Variants in CCL7 observed in about 807,000 individuals in gnomAD.
CCL7 encodes the protein C-C motif chemokine 7.
CCL7 carries 8 observed loss-of-function variants against 7.1 expected under a neutral mutation model. The observed-to-expected ratio is 1.13, with a 90% confidence interval of 0.66 to 2.04. The LOEUF (loss-of-function observed/expected upper bound fraction) is 2.04. Ranked by LOEUF, CCL7 falls within the 30% of genes most tolerant of loss-of-function variation. CCL7 has a pLI of 0.00. For missense variants in CCL7, 134 were observed against 113.6 expected (o/e 1.18, Z -0.82); for synonymous variants, 46 against 41.2 (o/e 1.12, Z -0.45).
rs1047308330 is a variant in CCL7, at chr17:34,271,937, T to C, written c.*135T>C. 13 of 605,652 alleles carry C rather than the reference T, an allele frequency of 2.1e-5. No homozygotes were observed. In the African/African-American group the frequency reaches 2.5e-4, roughly 12 times the overall value. The allele number at this position is 605,652 out of a possible 1,614,324, so 37.5% of individuals were successfully genotyped here. ...TATGAGCTTTATGTAATAATGTGAA[T>C]CATGGTTTTTCTTAGTAGATTTTAA... On this transcript the variant is annotated 3_prime_UTR_variant, in exon 3 of 3. Transcript: ENST00000378569.
chr17:34,271,664 G>T (rs772801966), intron 2 of CCL7, 33 bp from the exon 3 acceptor site: 1 of 1,419,380 alleles, frequency 7.0e-7, no homozygotes, highest in Non-Finnish European at 9.9e-7. Context: ...CCCTCAAGGT[G>T]TTCCATCTGA....
At chr17:34,271,378 T>A in intron 2 of CCL7, 115 bp downstream of exon 2, 2 of 814,498 alleles carry the variant, frequency 2.5e-6, no homozygotes, top group Non-Finnish European at 4.0e-6. Flanking sequence ...GCATACAGCA[T>A]CTCTAACCTT....
At position 34,272,008 on chromosome 17, in the gene CCL7, T is replaced by A; in HGVS notation, c.*206T>A. ...TAATCTTCCATGGATTTTGGTGGGT[T>A]TTGAACATAAAGCCTTGGATGTATA... On this transcript the variant is annotated 3_prime_UTR_variant, in exon 3 of 3. Coordinates refer to ENST00000378569, the MANE Select transcript of CCL7 (RefSeq NM_006273.4). The A allele has an allele frequency of 2.1e-6, 1 of 473,762 alleles. No individual in the cohort carries two copies. The highest frequency in any genetic ancestry group is 3.7e-6 in the Non-Finnish European group (1 of 271,202). The allele number at this position is 473,762 out of a possible 1,614,324, so 29.3% of individuals were successfully genotyped here.
At chr17:34,271,549 C>A in intron 2 of CCL7, 148 bp from the exon 3 acceptor site, 1 of 598,002 alleles carries the variant, frequency 1.7e-6, no homozygotes. Context: ...CTCTGAGTCC[C>A]CTTCCTTTGT....
At position 34,271,828 on chromosome 17, in the gene CCL7, G is replaced by A; in HGVS notation, c.*26G>A. ...ACATTCATGACTGAACTGAAAACAA[G>A]CCATGACTTGAGAAACAAATAATTT... On this transcript the variant is annotated 3_prime_UTR_variant, in exon 3 of 3. Coordinates refer to ENST00000378569, the MANE Select transcript of CCL7 (RefSeq NM_006273.4). 1.4e-6 allele frequency: 2 copies of A among 1,434,632 alleles called. No individual in the cohort carries two copies. Among genetic ancestry groups the A allele is most frequent in the Non-Finnish European group, 9.8e-7 (1 of 1,022,554 alleles). 88.9% of individuals were successfully genotyped at this position (1,434,632 alleles called of 1,614,324 possible).
In CCL7 at chr17:34,271,268, G is replaced by A. The variant is rs760295428; in HGVS notation, c.194+5G>A. 1 of 1,612,256 alleles carries A rather than the reference G, an allele frequency of 6.2e-7. No individual in the cohort carries two copies. The stretch of plus-strand genomic sequence containing the variant: ...CTGTCCCCGGGAAGCTGTAATGTAT[G>A]TGGACGATGACCACCCACCCCTCAC... On this transcript the variant is annotated splice_donor_5th_base_variant and intron_variant, in intron 2 of 2. Coordinates refer to ENST00000378569, the MANE Select transcript of CCL7 (RefSeq NM_006273.4).
chr17:34,271,653 AC>A, intron 2 of CCL7, 43 bp from the exon 3 acceptor site: 2 of 1,302,934 alleles, frequency 1.5e-6, no homozygotes, highest in Non-Finnish European at 2.2e-6. Flanking sequence ...CCCAGGCTGA[AC>A]CCTCAAGGTG....
chr17:34,270,702 T>C (rs1908100958), intron 1 of CCL7, among the ~76,000 whole-genome samples: 1 of 152,110 alleles, frequency 6.6e-6, no homozygotes, highest in African/African-American at 2.4e-5. Context: ...GTGCGGGCTG[T>C]TTCCAGATAC....
rs1251518374 is a variant in CCL7 at position 34,271,722 on chromosome 17, A to T, written c.220A>T (p.Ile74Phe). The T allele has an allele frequency of 1.9e-6, 3 of 1,611,214 alleles. No homozygotes were observed. The highest frequency in any genetic ancestry group is 2.7e-5 in the African/African-American group (2 of 74,848). ...CTTCAAGACCAAACTGGACAAGGAG[A>T]TCTGTGCTGACCCCACACAGAAGTG... ...VIFKTKLDKE[I>F]CADPTQKWVQ... The change falls in exon 3 of 3, where the codon ATC becomes TTC. Residue 74 changes from isoleucine to phenylalanine, a missense_variant. Ile to Phe is a conservative substitution (Grantham distance 21, BLOSUM62 0). Coordinates refer to ENST00000378569, the MANE Select transcript of CCL7 (RefSeq NM_006273.4).
rs1908199737 is a variant in CCL7 at position 34,272,149 on chromosome 17, G to C, written c.*347G>C. 1 of 187,160 alleles carries C rather than the reference G, an allele frequency of 5.3e-6. No individual in the cohort carries two copies. The highest frequency in any genetic ancestry group is 1.1e-5 in the Non-Finnish European group (1 of 91,700). 11.6% of individuals were successfully genotyped at this position (187,160 alleles called of 1,614,324 possible). On this transcript the variant is annotated 3_prime_UTR_variant, in exon 3 of 3. Coordinates refer to ENST00000378569, the MANE Select transcript of CCL7 (RefSeq NM_006273.4). The stretch of plus-strand genomic sequence containing the variant: ...AGATTTGCTTTAATTGTTAAGATAT[G>C]ATGTCCCTATGGAAGCATATTGTTA...
chr17:34,271,025 A>G, intron 1 of CCL7, 121 bp from the exon 2 acceptor site: 1 of 1,551,900 alleles, frequency 6.4e-7, no homozygotes, highest in South Asian at 1.2e-5. Context: ...TGGGATGGGC[A>G]GCTTTTCCCT....
At position 34,271,710 on chromosome 17, in the gene CCL7, C is replaced by T; in HGVS notation, c.208C>T (p.Leu70=). Residue 70 remains leucine (L), a synonymous_variant, in exon 3 of 3, where the codon CTG becomes TTG. Transcript: ENST00000378569. ...TCTGCTCCACAGCTTCAAGACCAAA[C>T]TGGACAAGGAGATCTGTGCTGACCC... The part of the protein sequence containing the change: ...PREAVIFKTK[L]DKEICADPTQ... 6.2e-7 allele frequency: 1 copy of T among 1,609,216 alleles called. No homozygotes were observed. Among genetic ancestry groups the T allele is most frequent in the Non-Finnish European group, 8.5e-7 (1 of 1,178,614 alleles).
chr17:34,271,169 T>A lies in CCL7; in HGVS notation c.100T>A (p.Cys34Ser), dbSNP rs748250135. The change falls in exon 2 of 3, where the codon TGC (cysteine) becomes AGC (serine). Residue 34 changes from cysteine to serine, a missense_variant. Physicochemically the swap from Cys to Ser is moderately radical, Grantham distance 112. Transcript: ENST00000378569. ...QPVGINTSTT[C>S]CYRFINKKIP... ...AGTTGGGATTAATACTTCAACTACC[T>A]GCTGCTACAGATTTATCAATAAGAA... 1 of 1,614,152 alleles carries A rather than the reference T, an allele frequency of 6.2e-7. No homozygotes were observed. Among genetic ancestry groups the A allele is most frequent in the Admixed American group, 1.7e-5 (1 of 60,018 alleles).
chr17:34,271,565 C>T (rs1243806989), intron 2 of CCL7, 132 bp from the exon 3 acceptor site: 6 of 626,024 alleles, frequency 9.6e-6, no homozygotes, highest in Non-Finnish European at 1.7e-5. Context: ...TTTGTTTTAT[C>T]TTCTTCCTTC....
At chr17:34,271,057 A>T (rs781722357) in intron 1 of CCL7, 89 bp from the exon 2 acceptor site, 1 of 1,587,738 alleles carries the variant, frequency 6.3e-7, no homozygotes, top group Non-Finnish European at 8.6e-7. Flanking sequence ...TTTCTTTCTG[A>T]TTCCTTCTTC....
intron 1 of CCL7, among the ~76,000 whole-genome samples, chr17:34,270,736 T>C (rs1033467237): frequency 6.6e-6 from 1 of 152,176 alleles, no homozygotes; most frequent in Non-Finnish European, 1.5e-5. Flanking sequence ...ATCTGGTCTG[T>C]GGAAGCCCAG....
Position 34,271,848 on chromosome 17 carries a change from T to G in CCL7, c.*46T>G. 8.7e-7 allele frequency: 1 copy of G among 1,149,770 alleles called. No individual in the cohort carries two copies. Among genetic ancestry groups the G allele is most frequent in the Non-Finnish European group, 1.3e-6 (1 of 765,600 alleles). The allele number at this position is 1,149,770 out of a possible 1,614,324, so 71.2% of individuals were successfully genotyped here. The stretch of plus-strand genomic sequence containing the variant: ...AACAAGCCATGACTTGAGAAACAAA[T>G]AATTTGTATACCCTGTCCTTTCTCA... On this transcript the variant is annotated 3_prime_UTR_variant, in exon 3 of 3. Transcript: ENST00000378569.
rs1908077136 is a variant in CCL7, at chr17:34,270,307, C to T, written c.17C>T (p.Ala6Val). 1 of 1,614,086 alleles carries T rather than the reference C, an allele frequency of 6.2e-7. No individual in the cohort carries two copies. The highest frequency in any genetic ancestry group is 1.1e-5 in the South Asian group (1 of 91,092). The part of the protein sequence containing the change: MKASA[A>V]LLCLLLTAAA... ...CCCTCCAACATGAAAGCCTCTGCAG[C>T]ACTTCTGTGTCTGCTGCTCACAGCA... Residue 6 changes from alanine to valine, a missense_variant, in exon 1 of 3, where the codon GCA becomes GTA. Coordinates refer to ENST00000378569, the MANE Select transcript of CCL7 (RefSeq NM_006273.4).
chr17:34,271,714 A>T lies in CCL7; in HGVS notation c.212A>T (p.Asp71Val). The T allele has an allele frequency of 1.2e-6, 2 of 1,610,520 alleles. No individual in the cohort carries two copies. The highest frequency in any genetic ancestry group is 1.7e-6 in the Non-Finnish European group (2 of 1,179,040). Residue 71 changes from aspartate (D) to valine (V), a missense_variant, in exon 3 of 3, where the codon GAC (aspartate) becomes GTC (valine). Physicochemically the swap from Asp to Val is radical, Grantham distance 152 (BLOSUM62 -3). Transcript: ENST00000378569. ...CTCCACAGCTTCAAGACCAAACTGG[A>T]CAAGGAGATCTGTGCTGACCCCACA... ...REAVIFKTKL[D>V]KEICADPTQK... is the part of the protein sequence containing the mutation.
Sources: gnomAD v4.1 joint callset for allele counts (sites outside exome capture counted in the v4.1 genomes callset) on GRCh38, gnomAD v4.1.1 for gene constraint, MANE v1.5 for transcripts, NCBI Gene and HGNC (gene_info 2026-07-23, HGNC 2026-07-21) for gene names.